The following UBE2E2 variants were observed in gnomAD, a reference collection of about 807,000 sequenced individuals.
The protein encoded by UBE2E2 is ubiquitin-conjugating enzyme E2 E2.
UBE2E2 carries 6 observed loss-of-function variants against 24.7 expected under a neutral mutation model. The ratio of observed to expected loss-of-function variants is 0.24; its 90% CI spans 0.13 to 0.48. The LOEUF is 0.48. Among genes scored for constraint, UBE2E2 ranks in the 20% least tolerant of loss-of-function variants. The probability of loss-of-function intolerance (pLI) is 0.99; values close to 1 mark genes in which losing one functional copy is unlikely to be tolerated. For missense variants in UBE2E2, 169 were observed against 245.0 expected (o/e 0.69, Z 2.07); for synonymous variants, 104 against 83.6 (o/e 1.24, Z -1.33).
intron 3 of UBE2E2, among the ~76,000 whole-genome samples, chr3:23,266,777 A>C (rs1355102150): frequency 1.3e-5 from 2 of 152,156 alleles, no homozygotes; most frequent in Non-Finnish European, 2.9e-5. Context: ...CACCACACCT[A>C]CTCCAAAACT....
Position 23,244,087 on chromosome 3 carries a change from A to G in UBE2E2, c.227+26775A>G, listed in dbSNP as rs1697324292. 1.3e-5 allele frequency among the ~76,000 whole-genome samples: 2 copies of G among 151,510 alleles called. 1 individual carries two copies. The highest frequency in any genetic ancestry group is 4.2e-4 in the South Asian group (2 of 4,802). ...AGGTGATTTTATAGGAAGAATATCA[A>G]TTAAGGGTGATTTTATAGGAAGAAA... is the stretch of plus-strand genomic sequence containing the variant. On this transcript the variant is annotated intron_variant, in intron 3 of 5. Coordinates refer to ENST00000396703, the MANE Select transcript of UBE2E2 (RefSeq NM_152653.4).
At position 23,532,661 on chromosome 3, in the gene UBE2E2, T is replaced by A. The variant is rs747655394; in HGVS notation, c.468T>A (p.Val156=). 7 of 1,567,670 alleles carry A rather than the reference T, an allele frequency of 4.5e-6. No homozygotes were observed. Among genetic ancestry groups the A allele is most frequent in the Non-Finnish European group, 6.1e-6 (7 of 1,148,092 alleles). Residue 156 remains valine (V), a synonymous_variant, in exon 5 of 6, where the codon GTT becomes GTA. Transcript: ENST00000396703. ...NWSPALTISK[V]LLSICSLLTD... ...GTCCGGCTTTAACTATTTCTAAAGT[T>A]CTCCTCTCCATCTGCTCACTTCTTA...
intron 5 of UBE2E2, among the ~76,000 whole-genome samples, chr3:23,588,416 T>TG (rs1376152686): frequency 7.2e-6 from 1 of 138,810 alleles, no homozygotes; most frequent in East Asian, 2.2e-4. Context: ...TTTTGTTTTT[T>TG]TTTTTTTGTC....
Position 23,571,423 on chromosome 3 carries a change from G to A in UBE2E2, c.509-18311G>A, listed in dbSNP as rs187174008. On this transcript the variant is annotated intron_variant, in intron 5 of 5. Coordinates refer to ENST00000396703, the MANE Select transcript of UBE2E2 (RefSeq NM_152653.4). ...TCCTGCCTCAGCCTCCCGAGTAGCC[G>A]GGATTACAGGCGTGTGCCACCACGC... Among the ~76,000 whole-genome samples, 325 of 151,052 alleles carry A rather than the reference G, an allele frequency of 2.2e-3. 4 individuals carry two copies. The East Asian group carries it at 0.035, about 16-fold the overall frequency.
chr3:23,552,765 C>T (rs1448386201), intron 5 of UBE2E2, among the ~76,000 whole-genome samples: 1 of 152,170 alleles, frequency 6.6e-6, no homozygotes, highest in African/African-American at 2.4e-5. Flanking sequence ...CAAGTACATT[C>T]TGAAATGCTA....
At chr3:23,481,239 C>T (rs1699253002) in intron 3 of UBE2E2, among the ~76,000 whole-genome samples, 1 of 152,208 alleles carries the variant, frequency 6.6e-6, no homozygotes, top group Non-Finnish European at 1.5e-5. Context: ...CCTTTTGTTT[C>T]AGCTTTAACA....
intron 3 of UBE2E2, among the ~76,000 whole-genome samples, chr3:23,466,674 T>C (rs1284615059): frequency 6.6e-6 from 1 of 152,116 alleles, no homozygotes; most frequent in East Asian, 1.9e-4. Flanking sequence ...TTCAAGCGAT[T>C]CTCCTGCCTC....
intron 3 of UBE2E2, among the ~76,000 whole-genome samples, chr3:23,488,368 G>A (rs758267873): frequency 4.0e-5 from 6 of 151,706 alleles, no homozygotes; most frequent in Non-Finnish European, 7.4e-5. Flanking sequence ...GCCCCCTACC[G>A]CCCCGCCGAC....
At position 23,513,558 on chromosome 3, in the gene UBE2E2, C is replaced by T. The variant is rs780103914; in HGVS notation, c.360+13818C>T. 1.3e-4 allele frequency among the ~76,000 whole-genome samples: 19 copies of T among 151,938 alleles called. 1 individual carries two copies. The highest frequency in any genetic ancestry group is 2.1e-4 in the South Asian group (1 of 4,828). On this transcript the variant is annotated intron_variant, in intron 4 of 5. Transcript: ENST00000396703. ...CTTTGTGGACTTCTGCAAATATATC[C>T]GTGGGATAAATTCCTAGAAGTGGAA...
chr3:23,555,330 T>C (rs531592517), intron 5 of UBE2E2, among the ~76,000 whole-genome samples: 22 of 152,266 alleles, frequency 1.4e-4, no homozygotes, highest in Non-Finnish European at 2.5e-4. Flanking sequence ...CTATGAGATA[T>C]CACCTCGCAC....
intron 5 of UBE2E2, among the ~76,000 whole-genome samples, chr3:23,558,356 C>A (rs1695839441): frequency 2.0e-5 from 3 of 152,102 alleles, no homozygotes; most frequent in African/African-American, 7.2e-5. Flanking sequence ...CCTTCTCTGC[C>A]CCTCAGTTTA....
intron 4 of UBE2E2, among the ~76,000 whole-genome samples, chr3:23,522,231 C>T (rs1192295178): frequency 1.3e-5 from 2 of 149,832 alleles, no homozygotes; most frequent in African/African-American, 2.5e-5. Flanking sequence ...CCCGGGTTCG[C>T]GCCGTTCTCC....
At chr3:23,501,553 A>T (rs562411026) in intron 4 of UBE2E2, among the ~76,000 whole-genome samples, 2 of 152,290 alleles carry the variant, frequency 1.3e-5, no homozygotes, top group South Asian at 4.1e-4. Context: ...TGAATTATAC[A>T]CACTTGCCTT....
chr3:23,335,002 T>C (rs1695164534), intron 3 of UBE2E2, among the ~76,000 whole-genome samples: 1 of 152,224 alleles, frequency 6.6e-6, no homozygotes, highest in African/African-American at 2.4e-5. Context: ...TTTTGAGCCT[T>C]AAAAGCTCTG....
intron 3 of UBE2E2, among the ~76,000 whole-genome samples, chr3:23,351,931 T>C (rs1575579660): frequency 6.6e-6 from 1 of 152,146 alleles, no homozygotes; most frequent in South Asian, 2.1e-4. Flanking sequence ...AGAATATACA[T>C]TTTTTTCAGC....
At chr3:23,534,328 A>AT in intron 5 of UBE2E2, 2 of 774,518 alleles carry the variant, frequency 2.6e-6, no homozygotes, top group Non-Finnish European at 3.1e-6. Context: ...TCAGTGAACT[A>AT]GTTTTTTTTT....
At chr3:23,502,327 G>A (rs1699742360) in intron 4 of UBE2E2, among the ~76,000 whole-genome samples, 1 of 151,732 alleles carries the variant, frequency 6.6e-6, no homozygotes, top group Non-Finnish European at 1.5e-5. Context: ...GGGTGTCAGG[G>A]GGAATTACTT....
intron 3 of UBE2E2, among the ~76,000 whole-genome samples, chr3:23,310,786 T>G (rs1177782946): frequency 1.3e-5 from 2 of 152,026 alleles, no homozygotes; most frequent in Admixed American, 6.6e-5. Flanking sequence ...ATGGCATGAG[T>G]GTGAAAGCAG....
At chr3:23,302,067 C>G (rs1351857168) in intron 3 of UBE2E2, among the ~76,000 whole-genome samples, 1 of 152,104 alleles carries the variant, frequency 6.6e-6, no homozygotes, top group Non-Finnish European at 1.5e-5. Flanking sequence ...GTCAGTATAG[C>G]TCGTATCTTT....
Sources: allele counts gnomAD v4.1 joint callset (sites outside exome capture counted in the v4.1 genomes callset), GRCh38; gene constraint gnomAD v4.1.1; transcripts MANE v1.5; gene names NCBI Gene and HGNC (gene_info 2026-07-23, HGNC 2026-07-21).